Variants in CADM2 observed in about 807,000 individuals in gnomAD.
CADM2 encodes the protein cell adhesion molecule 2.
Under a neutral mutation model 49.8 loss-of-function variants are expected in CADM2, and 12 were observed. The ratio of observed to expected loss-of-function variants is 0.24; its 90% confidence interval spans 0.15 to 0.39. The LOEUF (loss-of-function observed/expected upper bound fraction) is 0.39, where lower values mean the gene tolerates loss of function less well. CADM2 is among the 10% of genes least tolerant of loss of function. The pLI, the probability that CADM2 is intolerant of heterozygous loss-of-function variation, is 1.00. For synonymous variants in CADM2, 214 were observed against 175.4 expected (o/e 1.22, Z -1.74); for missense variants, 378 against 492.3 (o/e 0.77, Z 2.20).
intron 1 of CADM2, among the ~76,000 whole-genome samples, chr3:85,009,865 CAATAAATAAATA>C (rs34806351): frequency 0.014 from 2,026 of 140,712 alleles, 27 homozygotes; most frequent in Non-Finnish European, 0.023. Context: ...GATTCTATCT[CAATAAATAAATA>C]AATAAATAAA....
intron 1 of CADM2, among the ~76,000 whole-genome samples, chr3:85,131,404 ATT>A (rs1261516326): frequency 3.9e-5 from 6 of 152,194 alleles, no homozygotes; most frequent in Admixed American, 3.9e-4. Context: ...GAAAATAGTT[ATT>A]CTTTCCTTCA....
intron 2 of CADM2, among the ~76,000 whole-genome samples, chr3:85,786,694 A>G (rs1290577641): frequency 6.6e-6 from 1 of 152,068 alleles, no homozygotes. Context: ...TATGTGTTCA[A>G]AAATATGTGC....
chr3:85,419,892 C>T (rs181577328), intron 1 of CADM2, among the ~76,000 whole-genome samples: 4 of 152,288 alleles, frequency 2.6e-5, no homozygotes, highest in Non-Finnish European at 5.9e-5. Context: ...TGATATTCTC[C>T]ATCCACGGGC....
intron 8 of CADM2, among the ~76,000 whole-genome samples, chr3:85,963,688 GT>G (rs1191059630): frequency 3.3e-5 from 5 of 151,832 alleles, no homozygotes; most frequent in African/African-American, 1.2e-4. Flanking sequence ...TTTTTTTAAA[GT>G]AGCTCATCAG....
chr3:85,110,262 G>A (rs988702507), intron 1 of CADM2, among the ~76,000 whole-genome samples: 1 of 151,958 alleles, frequency 6.6e-6, no homozygotes, highest in African/African-American at 2.4e-5. Flanking sequence ...GAGACAGAGA[G>A]AGAGAGAGAG....
rs186670143 is a variant in CADM2 at position 85,577,839 on chromosome 3, G to A, written c.62-148683G>A. Among the ~76,000 whole-genome samples the A allele has an allele frequency of 3.3e-3, 502 of 151,932 alleles. 3 individuals carry two copies. The highest frequency in any genetic ancestry group is 0.011 in the African/African-American group (440 of 41,486). The stretch of plus-strand genomic sequence containing the variant: ...TTATAAACCTTTCTGTGTAACATCA[G>A]ACAAATGGAGAACAAGTATAAGAAA... On this transcript the variant is annotated intron_variant, in intron 1 of 9. Transcript: ENST00000383699.
At chr3:85,398,170 T>C (rs2034892321) in intron 1 of CADM2, among the ~76,000 whole-genome samples, 1 of 145,462 alleles carries the variant, frequency 6.9e-6, no homozygotes, top group Non-Finnish European at 1.5e-5. Flanking sequence ...CCCCACCCCA[T>C]GACAGGCTCC....
chr3:86,017,560 C>T (rs1182651778), intron 8 of CADM2, among the ~76,000 whole-genome samples: 1 of 151,680 alleles, frequency 6.6e-6, no homozygotes, highest in Non-Finnish European at 1.5e-5. Flanking sequence ...GGAATCCCGC[C>T]TCTACAAAAA....
chr3:85,179,595 A>C (rs935165910), intron 1 of CADM2, among the ~76,000 whole-genome samples: 2 of 151,990 alleles, frequency 1.3e-5, no homozygotes, highest in African/African-American at 4.8e-5. Context: ...CTGGGGTCAT[A>C]TTATTAAGGT....
chr3:85,793,665 G>A (rs2071463885), intron 2 of CADM2, among the ~76,000 whole-genome samples: 1 of 152,262 alleles, frequency 6.6e-6, no homozygotes. Flanking sequence ...TCTGGAGCTG[G>A]TGTGAGCCAA....
chr3:85,803,646 A>T (rs572787957), intron 3 of CADM2, among the ~76,000 whole-genome samples: 1 of 152,250 alleles, frequency 6.6e-6, no homozygotes, highest in South Asian at 2.1e-4. Flanking sequence ...ATTCTGTTGC[A>T]GCTCATGTCC....
intron 1 of CADM2, among the ~76,000 whole-genome samples, chr3:85,703,934 A>G (rs552498556): frequency 6.6e-6 from 1 of 152,338 alleles, no homozygotes; most frequent in East Asian, 1.9e-4. Flanking sequence ...CCCCTTCTAC[A>G]TCTACCTCAT....
chr3:85,527,449 A>G (rs1368525394), intron 1 of CADM2, among the ~76,000 whole-genome samples: 2 of 150,556 alleles, frequency 1.3e-5, no homozygotes, highest in African/African-American at 2.4e-5. Context: ...TATTACTTCT[A>G]CAAACTCTAT....
intron 1 of CADM2, among the ~76,000 whole-genome samples, chr3:85,239,175 G>A (rs2042474424): frequency 1.3e-5 from 2 of 151,748 alleles, no homozygotes. Flanking sequence ...GCATGGAGGA[G>A]GAATTTTTTT....
chr3:86,021,716 T>C (rs1733207867), intron 8 of CADM2, among the ~76,000 whole-genome samples: 1 of 152,198 alleles, frequency 6.6e-6, no homozygotes, highest in Non-Finnish European at 1.5e-5. Flanking sequence ...GGTTAAATAA[T>C]ATTTGATTGC....
intron 8 of CADM2, chr3:86,027,975 C>T (rs1206533291): frequency 4.8e-5 from 7 of 145,758 alleles, no homozygotes; most frequent in Non-Finnish European, 3.0e-5. Context: ...GATACAGGTA[C>T]TCTCTTCTAA....
intron 1 of CADM2, among the ~76,000 whole-genome samples, chr3:85,300,319 G>A (rs1459954966): frequency 1.3e-5 from 2 of 152,056 alleles, no homozygotes; most frequent in Admixed American, 1.3e-4. Context: ...TACCCTGTTC[G>A]TAAGAATTAT....
chr3:85,063,732 T>G (rs750872274), intron 1 of CADM2, among the ~76,000 whole-genome samples: 10 of 151,974 alleles, frequency 6.6e-5, no homozygotes, highest in Non-Finnish European at 1.2e-4. Flanking sequence ...GAGTAAAAAT[T>G]TTTTGAACTA....
rs12054025 is a variant in CADM2, at chr3:85,756,324, A to G, written c.88+29776A>G. Among the ~76,000 whole-genome samples, 1,328 of 152,206 alleles carry G rather than the reference A, an allele frequency of 8.7e-3. 51 individuals carry two copies. The South Asian group carries it at 0.11, about 12-fold the overall frequency. On this transcript the variant is annotated intron_variant, in intron 2 of 9. Coordinates refer to ENST00000383699, the MANE Select transcript of CADM2 (RefSeq NM_001167675.2). Reference sequence around the variant, plus strand: ...CTTTTCTCCACTTTCTTCTAACTCAAGTTTATTCTTAGATGGTCTTGGACC... The same window carrying G: ...CTTTTCTCCACTTTCTTCTAACTCAGGTTTATTCTTAGATGGTCTTGGACC...
Sources: allele counts gnomAD v4.1 joint callset (sites outside exome capture counted in the v4.1 genomes callset), GRCh38; gene constraint gnomAD v4.1.1; transcripts MANE v1.5; gene names NCBI Gene and HGNC (gene_info 2026-07-23, HGNC 2026-07-21).